GAK: variants seen among roughly 807,000 people sequenced by gnomAD.
GAK encodes cyclin G associated kinase, also known as cyclin-G-associated kinase.
Under a neutral mutation model 143.9 loss-of-function variants are expected in GAK, and 79 were observed. The observed-to-expected ratio is 0.55, with a 90% confidence interval of 0.46 to 0.66. The LOEUF (loss-of-function observed/expected upper bound fraction) is 0.66. GAK is among the 30% of genes least tolerant of loss of function. The pLI, the probability that GAK is intolerant of heterozygous loss-of-function variation, is 0.00. For missense variants in GAK, 1,693 were observed against 1,779.7 expected, an observed-to-expected ratio of 0.95 and a Z score of 0.88; for synonymous variants, 881 against 765.5, an observed-to-expected ratio of 1.15 and a Z score of -2.49.
At chr4:903,079 C>T (rs1720243440) in intron 5 of GAK, among the ~76,000 whole-genome samples, 1 of 152,150 alleles carries the variant, frequency 6.6e-6, no homozygotes, top group African/African-American at 2.4e-5. Context: ...AGCCACATCA[C>T]ATGGAAACCG....
At chr4:914,508 C>A (rs1577297180) in intron 1 of GAK, among the ~76,000 whole-genome samples, 7 of 98,996 alleles carry the variant, frequency 7.1e-5, no homozygotes, top group South Asian at 4.4e-4. Flanking sequence ...CACGGCCCCA[C>A]ACACACACAG....
In GAK at chr4:851,103, T is replaced by C; in HGVS notation, c.3509-19A>G. On this transcript the variant is annotated intron_variant, in intron 25 of 27. Coordinates refer to ENST00000314167, the MANE Select transcript of GAK (RefSeq NM_005255.4). ...TTTTGAGCTAGAAAAGAACAGAAAC[T>C]TTTTTTTGTTTGAGACAGGGTCTCC... 6.3e-7 allele frequency: 1 copy of C among 1,593,200 alleles called. No individual in the cohort carries two copies. The highest frequency in any genetic ancestry group is 8.6e-7 in the Non-Finnish European group (1 of 1,166,054).
At chr4:882,558 C>A (rs1190390540) in intron 14 of GAK, 139 bp downstream of exon 14, 5 of 1,127,148 alleles carry the variant, frequency 4.4e-6, no homozygotes, top group Non-Finnish European at 6.3e-6. Context: ...CCAAAGACAC[C>A]AAGCACAGGG....
At chr4:917,757 GA>G (rs1723309508) in intron 1 of GAK, among the ~76,000 whole-genome samples, 2 of 152,286 alleles carry the variant, frequency 1.3e-5, no homozygotes, top group East Asian at 3.9e-4. Context: ...GACATGTGCC[GA>G]AACATTTAAA....
Position 909,986 on chromosome 4 carries a change from G to A in GAK, c.382+1687C>T, listed in dbSNP as rs564529042. ...CGTCAAGCACCCATCCGCCACCCACGTCAGGACAACCCTGGCAACAGGCGC... is the reference window on the plus strand; with the variant it reads ...CGTCAAGCACCCATCCGCCACCCACATCAGGACAACCCTGGCAACAGGCGC... On this transcript the variant is annotated intron_variant, in intron 4 of 27. Coordinates refer to ENST00000314167, the MANE Select transcript of GAK (RefSeq NM_005255.4). 2.6e-5 allele frequency among the ~76,000 whole-genome samples: 4 copies of A among 151,998 alleles called. No homozygotes were observed. In the South Asian group the frequency reaches 6.2e-4, roughly 24 times the overall value.
intron 10 of GAK, 137 bp downstream of exon 10, chr4:890,395 C>T (rs1717399386): frequency 9.8e-6 from 6 of 609,842 alleles, no homozygotes; most frequent in Non-Finnish European, 1.7e-5. Context: ...GCTCAGGGAC[C>T]CTGACCTCAC....
At chr4:878,197 T>G (rs920319036) in intron 15 of GAK, among the ~76,000 whole-genome samples, 12 of 152,140 alleles carry the variant, frequency 7.9e-5, no homozygotes, top group African/African-American at 2.9e-4. Context: ...GAGACCAGCC[T>G]GGGCAACACG....
At chr4:888,700 G>T in intron 11 of GAK, 147 bp downstream of exon 11, 1 of 929,070 alleles carries the variant, frequency 1.1e-6, no homozygotes, top group Non-Finnish European at 1.6e-6. Flanking sequence ...GACTCCCTGG[G>T]AGAAGCGGGT....
At position 898,204 on chromosome 4, in the gene GAK, G is replaced by T. The variant is rs776592144; in HGVS notation, c.526-46C>A. The T allele has an allele frequency of 2.8e-5, 45 of 1,606,520 alleles. No individual in the cohort carries two copies. The Admixed American group carries it at 7.4e-4, about 26-fold the overall frequency. On this transcript the variant is annotated intron_variant, in intron 5 of 27. Transcript: ENST00000314167. ...GCCCCGTGAACTTGGCGTAGACAGA[G>T]ATGGGACTTCAGGGAAAACGAACGG...
At chr4:881,779 C>G (rs1424319296) in intron 15 of GAK, 128 bp downstream of exon 15, 2 of 1,189,950 alleles carry the variant, frequency 1.7e-6, no homozygotes, top group Non-Finnish European at 1.1e-6. Context: ...CTCCGCGAGG[C>G]CGGGCCTGCC....
At chr4:874,650 C>A (rs1200409236) in intron 18 of GAK, among the ~76,000 whole-genome samples, 1 of 151,770 alleles carries the variant, frequency 6.6e-6, no homozygotes, top group Non-Finnish European at 1.5e-5. Flanking sequence ...AGGTACTGAA[C>A]CTCTTTTCTT....
chr4:890,978 C>T (rs1253971033), intron 9 of GAK, among the ~76,000 whole-genome samples: 6 of 147,468 alleles, frequency 4.1e-5, no homozygotes, highest in African/African-American at 1.5e-4. Context: ...GAGACAGAGT[C>T]TTGCTCTGTG....
At chr4:909,599 G>A (rs985584027) in intron 4 of GAK, among the ~76,000 whole-genome samples, 9 of 152,178 alleles carry the variant, frequency 5.9e-5, no homozygotes, top group Non-Finnish European at 1.2e-4. Flanking sequence ...ACCAAATCGC[G>A]AGGATCTTCT....
At chr4:891,816 C>A (rs1466931914) in intron 9 of GAK, among the ~76,000 whole-genome samples, 4 of 152,180 alleles carry the variant, frequency 2.6e-5, no homozygotes, top group African/African-American at 9.7e-5. Flanking sequence ...TGCTAAAGAG[C>A]AGGACGGCCC....
Position 849,880 on chromosome 4 carries a change from A to C in GAK, c.3834+12T>G. 2 of 1,538,010 alleles carry C rather than the reference A, an allele frequency of 1.3e-6. No individual in the cohort carries two copies. The highest frequency in any genetic ancestry group is 1.8e-6 in the Non-Finnish European group (2 of 1,135,118). ...TGAAGGCCTCAAGCGGCCGCCTGGC[A>C]GCTCTGCTCACCTTGTCGGGGTGCA... On this transcript the variant is annotated intron_variant, in intron 27 of 27. Coordinates refer to ENST00000314167, the MANE Select transcript of GAK (RefSeq NM_005255.4).
Position 911,704 on chromosome 4 carries a change from A to G in GAK, c.351T>C (p.Ala117=), listed in dbSNP as rs778271802. Residue 117 remains alanine, a synonymous_variant, in exon 4 of 28, where the codon GCT becomes GCC. Transcript: ENST00000314167. ...IGKEESDTGQ[A]EFLLLTELCK... is the part of the protein sequence containing the mutation. Reference sequence around the variant, plus strand: ...AGAGCTCTGTGAGCAAGAGGAACTCAGCCTGCCCCGTGTCTGACTCCTCTT... The same window carrying G: ...AGAGCTCTGTGAGCAAGAGGAACTCGGCCTGCCCCGTGTCTGACTCCTCTT... 1.9e-6 allele frequency: 3 copies of G among 1,613,862 alleles called. No individual in the cohort carries two copies. The Admixed American group carries it at 5.0e-5, about 27-fold the overall frequency.
chr4:859,437 T>C (rs1331731012), intron 24 of GAK, 169 bp downstream of exon 24: 5 of 1,580,616 alleles, frequency 3.2e-6, no homozygotes, highest in Non-Finnish European at 4.3e-6. Flanking sequence ...GGCAGTCGCC[T>C]GGAACAGGTG....
intron 4 of GAK, among the ~76,000 whole-genome samples, chr4:909,774 A>G (rs1721718585): frequency 6.6e-6 from 1 of 152,226 alleles, no homozygotes; most frequent in Admixed American, 6.5e-5. Context: ...ATGAGCAGGA[A>G]GTGGACAATG....
chr4:881,300 C>T (rs572834666), intron 15 of GAK, among the ~76,000 whole-genome samples: 1 of 152,338 alleles, frequency 6.6e-6, no homozygotes, highest in African/African-American at 2.4e-5. Flanking sequence ...TAGGAGGCTG[C>T]TCCAGCCTCA....
Sources: allele counts gnomAD v4.1 joint callset (sites outside exome capture counted in the v4.1 genomes callset), GRCh38; gene constraint gnomAD v4.1.1; transcripts MANE v1.5; gene names NCBI Gene and HGNC (gene_info 2026-07-23, HGNC 2026-07-21).